Variants in KCNQ1 observed in about 807,000 individuals in gnomAD.
KCNQ1 encodes potassium voltage-gated channel subfamily KQT member 1.
In KCNQ1, 49 loss-of-function variants were observed where a neutral mutation model predicts 72.4. That is an observed-to-expected ratio of 0.68 (90% CI 0.54 to 0.86). KCNQ1 has a LOEUF of 0.86. Among genes scored for constraint, KCNQ1 ranks in the 40% least tolerant of loss-of-function variants. KCNQ1 has a pLI of 0.00. For missense variants in KCNQ1, 790 were observed against 945.1 expected, an observed-to-expected ratio of 0.84 and a Z score of 2.15; for synonymous variants, 450 against 412.6, an observed-to-expected ratio of 1.09 and a Z score of -1.10.
At chr11:2,805,099 G>A (rs559058952) in intron 15 of KCNQ1, among the ~76,000 whole-genome samples, 2 of 152,206 alleles carry the variant, frequency 1.3e-5, no homozygotes, top group African/African-American at 2.4e-5. Context: ...GGCAGCTGCC[G>A]GACAAGCCCT....
intron 12 of KCNQ1, among the ~76,000 whole-genome samples, chr11:2,774,305 G>T (rs889585422): frequency 8.5e-5 from 13 of 152,242 alleles, no homozygotes; most frequent in Admixed American, 2.6e-4. Context: ...CTCTATCACA[G>T]TTCTTGGTGT....
chr11:2,847,860 C>A lies in KCNQ1; in HGVS notation c.1888C>A (p.Pro630Thr), dbSNP rs199472822. ...HGGSTPGSGG[P>T]PREGGAHITQ... ...TGGCAGCACCCCCGGCAGCGGCGGC[C>A]CCCCCAGAGAGGGCGGGGCCCACAT... Residue 630 changes from proline (P) to threonine (T), a missense_variant, in exon 16 of 16, where the codon CCC becomes ACC. Pro to Thr is a conservative substitution (Grantham distance 38). This residue lies in a region of KCNQ1 where 94 missense variants were observed against 85.2 expected (regional missense o/e 1.10). Transcript: ENST00000155840. 2 of 1,576,418 alleles carry A rather than the reference C, an allele frequency of 1.3e-6. No individual in the cohort carries two copies. Among genetic ancestry groups the A allele is most frequent in the South Asian group, 1.2e-5 (1 of 86,250 alleles).
chr11:2,788,732 G>T (rs989191912), intron 15 of KCNQ1, among the ~76,000 whole-genome samples: 5 of 152,182 alleles, frequency 3.3e-5, no homozygotes, highest in Non-Finnish European at 7.4e-5. Flanking sequence ...TTTCTTTCCT[G>T]AGGAGCCGTC....
intron 1 of KCNQ1, among the ~76,000 whole-genome samples, chr11:2,472,800 A>G (rs536889458): frequency 6.6e-6 from 1 of 152,112 alleles, no homozygotes; most frequent in African/African-American, 2.4e-5. Context: ...AGCTTGTTTG[A>G]GGAAAAAGTG....
chr11:2,454,786 C>T (rs573008251), intron 1 of KCNQ1, among the ~76,000 whole-genome samples: 1 of 152,290 alleles, frequency 6.6e-6, no homozygotes, highest in South Asian at 2.1e-4. Context: ...TAAGAGCCAT[C>T]TATGACAAAC....
In KCNQ1 at chr11:2,698,959, C is replaced by G. The variant is rs1288812924; in HGVS notation, c.1514+36878C>G. ...TTCTGATCCCAACTAGGATACCTAA[C>G]TCAGAACCACAACGGGGATTCCCAC... On this transcript the variant is annotated intron_variant, in intron 11 of 15. Coordinates refer to ENST00000155840, the MANE Select transcript of KCNQ1 (RefSeq NM_000218.3). This position sits in a 1 kb window ranked among gnomAD's most constrained non-coding sequence, Gnocchi z 5.1. 1.0e-5 allele frequency: 4 copies of G among 398,530 alleles called. No homozygotes were observed. The highest frequency in any genetic ancestry group is 1.3e-5 in the Non-Finnish European group (3 of 226,092). 24.7% of individuals were successfully genotyped at this position (398,530 alleles called of 1,614,324 possible).
Position 2,733,612 on chromosome 11 carries a change from T to C in KCNQ1, c.1515-35232T>C, listed in dbSNP as rs76672926. Among the ~76,000 whole-genome samples the C allele has an allele frequency of 0.013, 2,051 of 151,934 alleles. 90 individuals are homozygous for C. In the East Asian group the frequency reaches 0.14, roughly 11 times the overall value. On this transcript the variant is annotated intron_variant, in intron 11 of 15. Coordinates refer to ENST00000155840, the MANE Select transcript of KCNQ1 (RefSeq NM_000218.3). ...CTCCTAGGGAGACAGTCGGGCACGG[T>C]GGGCACCTTGAGAGGAAGAACAGCC...
At chr11:2,754,230 C>T (rs549868486) in intron 11 of KCNQ1, among the ~76,000 whole-genome samples, 145 of 152,308 alleles carry the variant, frequency 9.5e-4, no homozygotes, top group African/African-American at 3.1e-3. Context: ...TGGAGGAGGG[C>T]CCTGGAGGGG....
At chr11:2,744,392 A>ATG in intron 11 of KCNQ1, among the ~76,000 whole-genome samples, 1 of 152,198 alleles carries the variant, frequency 6.6e-6, no homozygotes, top group East Asian at 1.9e-4. Flanking sequence ...GGAGGGAAGA[A>ATG]TGTGTTTCTT....
chr11:2,655,710 C>G (rs1466766183), intron 10 of KCNQ1: 1 of 395,982 alleles, frequency 2.5e-6, no homozygotes, highest in African/African-American at 2.1e-5. Flanking sequence ...CCATGCTCTC[C>G]TAGATGCCTG....
At position 2,790,759 on chromosome 11, in the gene KCNQ1, T is replaced by C. The variant is rs376568099; in HGVS notation, c.1794+12722T>C. Among the ~76,000 whole-genome samples, 34 of 152,168 alleles carry C rather than the reference T, an allele frequency of 2.2e-4. 1 individual carries two copies. Among genetic ancestry groups the C allele is most frequent in the African/African-American group, 7.9e-4 (33 of 41,516 alleles). On this transcript the variant is annotated intron_variant, in intron 15 of 15. Transcript: ENST00000155840. ...CTGTGGCGTGGGCAGTGTCACAAGC[T>C]CCTGGCCCAGGAGGCCTGCTTGGCT...
chr11:2,527,386 C>T (rs1176389865), intron 1 of KCNQ1, among the ~76,000 whole-genome samples: 1 of 152,216 alleles, frequency 6.6e-6, no homozygotes, highest in South Asian at 2.1e-4. Context: ...GGGGCGTTGA[C>T]TGCTCTCTGG....
Position 2,715,852 on chromosome 11 carries a change from A to T in KCNQ1, c.1515-52992A>T, listed in dbSNP as rs1278924120. ...GGTCTAAATGCCTCCCAGCCTCCTG[A>T]GGTTGAGGGTGGCCACACCAGCCAG... On this transcript the variant is annotated intron_variant, in intron 11 of 15. Transcript: ENST00000155840. The surrounding 1 kb of genome is among the most constrained non-coding windows in gnomAD (Gnocchi z 4.9). Among the ~76,000 whole-genome samples, 1 of 152,102 alleles carries T rather than the reference A, an allele frequency of 6.6e-6. No homozygotes were observed. The highest frequency in any genetic ancestry group is 1.5e-5 in the Non-Finnish European group (1 of 68,016).
intron 11 of KCNQ1, chr11:2,662,356 G>A: frequency 1.8e-6 from 1 of 557,392 alleles, no homozygotes; most frequent in Non-Finnish European, 3.2e-6. Context: ...TTGAGAGTCT[G>A]AGATTGTTTT....
chr11:2,720,549 TA>T lies in KCNQ1; in HGVS notation c.1515-48293del, dbSNP rs1267555314. On this transcript the variant is annotated intron_variant, in intron 11 of 15. Coordinates refer to ENST00000155840, the MANE Select transcript of KCNQ1 (RefSeq NM_000218.3). The surrounding 1 kb of genome is among the most constrained non-coding windows in gnomAD (Gnocchi z 5.1). ...CTGACCAGAGCAAGCAGTGTGCCAT[TA>T]ACCCCTACCTGTCCAGAACTCTGAG... 6.6e-6 allele frequency among the ~76,000 whole-genome samples: 1 copy of T among 152,168 alleles called. No homozygotes were observed. Among genetic ancestry groups the T allele is most frequent in the African/African-American group, 2.4e-5 (1 of 41,438 alleles).
chr11:2,610,022 A>G, intron 10 of KCNQ1: 1 of 397,930 alleles, frequency 2.5e-6, no homozygotes, highest in Non-Finnish European at 4.4e-6. Flanking sequence ...ATTATTATTG[A>G]TATAATTAGA....
intron 15 of KCNQ1, among the ~76,000 whole-genome samples, chr11:2,780,669 C>T (rs1268078241): frequency 3.3e-5 from 5 of 152,234 alleles, no homozygotes; most frequent in African/African-American, 1.2e-4. Flanking sequence ...GGATGCACAG[C>T]TGGCTGGCAC....
In KCNQ1 at chr11:2,445,266, C is replaced by T. The variant is rs2133559703; in HGVS notation, c.168C>T (p.Pro56=). The T allele has an allele frequency of 8.2e-7, 1 of 1,225,452 alleles. No individual in the cohort carries two copies. Among genetic ancestry groups the T allele is most frequent in the Non-Finnish European group, 1.0e-6 (1 of 988,304 alleles). The allele number at this position is 1,225,452 out of a possible 1,614,324, so 75.9% of individuals were successfully genotyped here. ...GCGCGCTCTACGCGCCCATCGCGCC[C>T]GGCGCCCCAGGTCCCGCGCCCCCTG... ...AGGALYAPIA[P]GAPGPAPPAS... is the part of the protein sequence containing the mutation. Residue 56 remains proline, a synonymous_variant, in exon 1 of 16, where the codon CCC becomes CCT. Coordinates refer to ENST00000155840, the MANE Select transcript of KCNQ1 (RefSeq NM_000218.3).
intron 1 of KCNQ1, among the ~76,000 whole-genome samples, chr11:2,449,997 G>C (rs7932717): frequency 0.018 from 2,752 of 152,290 alleles, 77 homozygotes; most frequent in African/African-American, 0.064. Flanking sequence ...AATGCCACCG[G>C]TCCCTGTAGC....
Sources: gnomAD v4.1 joint callset for allele counts (sites outside exome capture counted in the v4.1 genomes callset) on GRCh38, gnomAD v4.1.1 for gene constraint, gnomAD v4.1.1 regional missense constraint, Gnocchi (gnomAD v3.1) non-coding constraint, MANE v1.5 for transcripts, NCBI Gene and HGNC (gene_info 2026-07-23, HGNC 2026-07-21) for gene names.